STX18: variants seen among roughly 807,000 people sequenced by gnomAD.
The protein encoded by STX18 is syntaxin-18.
A neutral mutation model predicts 50.1 loss-of-function variants in STX18; 40 were observed. The ratio of observed to expected loss-of-function variants is 0.80; its 90% CI spans 0.62 to 1.04. The LOEUF (loss-of-function observed/expected upper bound fraction) is 1.04. Ranked by LOEUF, STX18 falls within the 50% of genes least tolerant of loss-of-function variation. The pLI is 0.00. For missense variants in STX18, 410 were observed against 415.8 expected (o/e 0.99, Z 0.12); for synonymous variants, 158 against 151.8 (o/e 1.04, Z -0.30).
chr4:4,511,561 T>C (rs1230811429), intron 1 of STX18, among the ~76,000 whole-genome samples: 1 of 152,196 alleles, frequency 6.6e-6, no homozygotes, highest in African/African-American at 2.4e-5. Flanking sequence ...CAAGGCAGTC[T>C]AGAAGTAGCT....
intron 1 of STX18, among the ~76,000 whole-genome samples, chr4:4,483,755 G>A (rs928421590): frequency 6.6e-6 from 1 of 152,146 alleles, no homozygotes; most frequent in Non-Finnish European, 1.5e-5. Context: ...TTTCACCTCA[G>A]ACAGTAAAAA....
At chr4:4,510,094 A>G (rs928933391) in intron 1 of STX18, among the ~76,000 whole-genome samples, 1 of 152,194 alleles carries the variant, frequency 6.6e-6, no homozygotes, top group African/African-American at 2.4e-5. Flanking sequence ...ATTTAGAACT[A>G]GGGGGCTGCA....
chr4:4,446,119 T>A (rs1202342021), intron 5 of STX18, among the ~76,000 whole-genome samples: 3 of 151,228 alleles, frequency 2.0e-5, no homozygotes, highest in Non-Finnish European at 2.9e-5. Flanking sequence ...TAAATAGATA[T>A]TTATATACAA....
intron 5 of STX18, among the ~76,000 whole-genome samples, chr4:4,446,450 C>A (rs748160427): frequency 4.6e-5 from 7 of 152,164 alleles, no homozygotes; most frequent in African/African-American, 9.7e-5. Flanking sequence ...CAAAGAACTC[C>A]TATACAAATC....
chr4:4,477,072 C>A (rs1728217201), intron 1 of STX18, among the ~76,000 whole-genome samples: 2 of 151,686 alleles, frequency 1.3e-5, no homozygotes, highest in Non-Finnish European at 2.9e-5. Context: ...AAAACCAAAA[C>A]AACAAAACAA....
chr4:4,475,323 C>T (rs774631099), intron 1 of STX18, among the ~76,000 whole-genome samples: 1 of 152,014 alleles, frequency 6.6e-6, no homozygotes, highest in Non-Finnish European at 1.5e-5. Context: ...TAATTACTGA[C>T]TAAATTACAT....
chr4:4,489,391 A>ATTTTTTTTTTTTTTTTTTTTTTTTTTTTT (rs34563523), intron 1 of STX18, among the ~76,000 whole-genome samples: 1 of 51,600 alleles, frequency 1.9e-5, no homozygotes, highest in Non-Finnish European at 3.8e-5. Flanking sequence ...ATGCAAAATA[A>ATTTTTTTTTTTTTTTTTTTTTTTTTTTTT]TTTTTTTTTT....
chr4:4,428,160 A>G (rs1725346571), intron 7 of STX18, among the ~76,000 whole-genome samples: 1 of 152,204 alleles, frequency 6.6e-6, no homozygotes, highest in South Asian at 2.1e-4. Flanking sequence ...GTCTGTTGCC[A>G]GGTGGCAGGC....
At chr4:4,540,358 C>T (rs1411024916) in intron 1 of STX18, among the ~76,000 whole-genome samples, 2 of 152,116 alleles carry the variant, frequency 1.3e-5, no homozygotes, top group Non-Finnish European at 2.9e-5. Context: ...TTAAGATCTC[C>T]GCGTCCAATT....
rs1321734666 is a variant in STX18, at chr4:4,507,450, G to C, written c.168+34347C>G. 4 of 760,654 alleles carry C rather than the reference G, an allele frequency of 5.3e-6. 1 individual carries two copies. In the Admixed American group the frequency reaches 6.9e-5, roughly 13 times the overall value. The allele number at this position is 760,654 out of a possible 1,614,324, so 47.1% of individuals were successfully genotyped here. ...TCCAAGTCCGGCTAGTATGCGAACTGGAGAAAAAGTTCAGTGGAAAGCATA... is the reference window on the plus strand; with the variant it reads ...TCCAAGTCCGGCTAGTATGCGAACTCGAGAAAAAGTTCAGTGGAAAGCATA... On this transcript the variant is annotated intron_variant, in intron 1 of 10. Coordinates refer to ENST00000306200, the MANE Select transcript of STX18 (RefSeq NM_016930.4).
At position 4,419,488 on chromosome 4, in the gene STX18, T is replaced by A. The variant is rs1724804758; in HGVS notation, c.*546A>T. The A allele has an allele frequency of 6.6e-6, 1 of 152,554 alleles. No individual in the cohort carries two copies. The highest frequency in any genetic ancestry group is 1.5e-5 in the Non-Finnish European group (1 of 68,288). 9.5% of individuals were successfully genotyped at this position (152,554 alleles called of 1,614,324 possible). ...TTGACAACACATTAAGGGGCTGTAA[T>A]TATATTTATTAGATTAACAAGGCAG... On this transcript the variant is annotated 3_prime_UTR_variant, in exon 11 of 11. Transcript: ENST00000306200.
intron 1 of STX18, among the ~76,000 whole-genome samples, chr4:4,494,231 T>C (rs889980070): frequency 1.2e-4 from 18 of 152,204 alleles, no homozygotes; most frequent in Non-Finnish European, 1.9e-4. Flanking sequence ...CTACATATTG[T>C]ACAGTACATA....
chr4:4,427,667 T>TG lies in STX18; in HGVS notation c.703-2446dup, dbSNP rs543981362. Reference sequence around the variant, plus strand: ...CTAGTGGTTTGGGGTGATTCATTCCTGGACTGTTCCTTGGGAACAAAGCTT... The same window carrying TG: ...CTAGTGGTTTGGGGTGATTCATTCCTGGGACTGTTCCTTGGGAACAAAGCTT... On this transcript the variant is annotated intron_variant, in intron 7 of 10. Transcript: ENST00000306200. Among the ~76,000 whole-genome samples, 963 of 152,364 alleles carry TG rather than the reference T, an allele frequency of 6.3e-3. 9 individuals are homozygous for TG. Among genetic ancestry groups the TG allele is most frequent in the African/African-American group, 0.022 (896 of 41,596 alleles).
chr4:4,473,294 T>TC (rs1200254723), intron 1 of STX18, among the ~76,000 whole-genome samples: 1 of 149,516 alleles, frequency 6.7e-6, no homozygotes, highest in Non-Finnish European at 1.5e-5. Flanking sequence ...AATCTGACTT[T>TC]TTTTTTTTTT....
At chr4:4,521,281 C>G (rs552746737) in intron 1 of STX18, among the ~76,000 whole-genome samples, 1 of 152,154 alleles carries the variant, frequency 6.6e-6, no homozygotes, top group Non-Finnish European at 1.5e-5. Flanking sequence ...GCTATACAGA[C>G]GTATTATGAA....
intron 1 of STX18, among the ~76,000 whole-genome samples, chr4:4,497,375 A>G (rs1449130555): frequency 6.6e-6 from 1 of 152,222 alleles, no homozygotes; most frequent in Non-Finnish European, 1.5e-5. Context: ...ATCATCACTG[A>G]CTGATCAGGC....
chr4:4,453,772 G>T, intron 5 of STX18: 1 of 633,778 alleles, frequency 1.6e-6, no homozygotes, highest in Non-Finnish European at 2.0e-6. Flanking sequence ...CAGGTACCGT[G>T]GACCCCCAAA....
At position 4,457,493 on chromosome 4, in the gene STX18, C is replaced by G. The variant is rs773885817; in HGVS notation, c.360G>C (p.Lys120Asn). 1 of 1,613,678 alleles carries G rather than the reference C, an allele frequency of 6.2e-7. No homozygotes were observed. ...CCTTCACTTGCTGGGAATGTATCTC[C>G]TTGTGAGCTGTAACAGAAAAAGACA... ...AIQQLRTEAH[K>N]EIHSQQVKEH... Residue 120 changes from lysine (K) to asparagine (N), a missense_variant, in exon 4 of 11, where the codon AAG becomes AAC. Lys to Asn is a moderately conservative substitution (Grantham distance 94). Coordinates refer to ENST00000306200, the MANE Select transcript of STX18 (RefSeq NM_016930.4).
intron 5 of STX18, among the ~76,000 whole-genome samples, chr4:4,453,254 A>G (rs1284808872): frequency 6.6e-6 from 1 of 152,226 alleles, no homozygotes; most frequent in African/African-American, 2.4e-5. Context: ...ACTGCACACA[A>G]TAGAGAAACC....
Sources: allele counts gnomAD v4.1 joint callset (sites outside exome capture counted in the v4.1 genomes callset), GRCh38; gene constraint gnomAD v4.1.1; transcripts MANE v1.5; gene names NCBI Gene and HGNC (gene_info 2026-07-23, HGNC 2026-07-21).